RALGAPA1: variants seen among roughly 807,000 people sequenced by gnomAD.
The protein encoded by RALGAPA1 is ral GTPase-activating protein subunit alpha-1.
Under a neutral mutation model 269.6 loss-of-function variants are expected in RALGAPA1, and 52 were observed. The ratio of observed to expected loss-of-function variants is 0.19; its 90% CI spans 0.15 to 0.24. The LOEUF is 0.24. Among genes scored for constraint, RALGAPA1 ranks in the 10% least tolerant of loss-of-function variants. The pLI is 1.00. For synonymous variants in RALGAPA1, 817 were observed against 1,008.3 expected (o/e 0.81, Z 3.60); for missense variants, 1,917 against 3,013.9 (o/e 0.64, Z 8.52).
chr14:35,707,238 G>A (rs2067888528), intron 16 of RALGAPA1: 2 of 152,146 alleles, frequency 1.3e-5, no homozygotes, highest in Admixed American at 1.3e-4. Flanking sequence ...TCAGGAGGTT[G>A]TCACTTTGAA....
chr14:35,674,306 A>C, intron 23 of RALGAPA1, 28 bp from the exon 24 acceptor site: 1 of 1,536,172 alleles, frequency 6.5e-7, no homozygotes, highest in Non-Finnish European at 8.9e-7. Context: ...AAAGCAACAA[A>C]CCTAAGAAAA....
chr14:35,567,288 C>T (rs2056791018), intron 39 of RALGAPA1, among the ~76,000 whole-genome samples: 1 of 152,038 alleles, frequency 6.6e-6, no homozygotes, highest in Non-Finnish European at 1.5e-5. Context: ...GATCAACCTA[C>T]CAATCAACCA....
intron 37 of RALGAPA1, 143 bp downstream of exon 37, chr14:35,595,491 C>T: frequency 4.3e-6 from 3 of 700,796 alleles, no homozygotes; most frequent in African/African-American, 1.8e-5. Context: ...TACAACCACC[C>T]TATTTTCAAG....
intron 10 of RALGAPA1, 121 bp from the exon 11 acceptor site, chr14:35,742,686 A>G (rs1465532699): frequency 6.7e-5 from 48 of 716,122 alleles, no homozygotes; most frequent in Non-Finnish European, 6.4e-5. Context: ...AAGCAAAACA[A>G]TGACATAAAA....
Position 35,549,241 on chromosome 14 carries a change from T to C in RALGAPA1, c.7497-7A>G, listed in dbSNP as rs1182875436. 6.2e-7 allele frequency: 1 copy of C among 1,611,834 alleles called. No individual in the cohort carries two copies. The highest frequency in any genetic ancestry group is 8.5e-7 in the Non-Finnish European group (1 of 1,178,704). On this transcript the variant is annotated splice_region_variant and splice_polypyrimidine_tract_variant and intron_variant, in intron 39 of 41. Transcript: ENST00000680220. ...TCGTGCTCTCTCCTCATAGCTGATTTCCTTTGGTTAAGGATAAACTTAAGT... is the reference window on the plus strand; with the variant it reads ...TCGTGCTCTCTCCTCATAGCTGATTCCCTTTGGTTAAGGATAAACTTAAGT...
Position 35,797,351 on chromosome 14 carries a change from C to CAAAAAAAAAAAAAAAA in RALGAPA1, c.106+11363_106+11378dup, listed in dbSNP as rs530576211. On this transcript the variant is annotated intron_variant, in intron 1 of 41. Coordinates refer to ENST00000680220, the MANE Select transcript of RALGAPA1 (RefSeq NM_001346249.2). Reference sequence around the variant, plus strand: ...CTGGTGACAGAGCGAGACTCCGTCTCAAAAAAAAAAAAAAAAAGATGCCAA... The same window carrying CAAAAAAAAAAAAAAAA: ...CTGGTGACAGAGCGAGACTCCGTCTCAAAAAAAAAAAAAAAAAAAAAAAAAAAAAAAAAGATGCCAA... 9.4e-3 allele frequency among the ~76,000 whole-genome samples: 564 copies of CAAAAAAAAAAAAAAAA among 59,864 alleles called. 47 individuals carry two copies. Among genetic ancestry groups the CAAAAAAAAAAAAAAAA allele is most frequent in the African/African-American group, 0.019 (250 of 12,910 alleles). The allele number at this position is 59,864 out of a possible 152,430, so 39.3% of individuals were successfully genotyped here.
chr14:35,642,022 C>T (rs139832590), intron 31 of RALGAPA1, among the ~76,000 whole-genome samples: 2,101 of 152,218 alleles, frequency 0.014, 53 homozygotes, highest in African/African-American at 0.048. Flanking sequence ...ATATATGGTG[C>T]TGAGATAACT....
At chr14:35,568,982 T>G (rs2056942805) in intron 39 of RALGAPA1, among the ~76,000 whole-genome samples, 1 of 152,234 alleles carries the variant, frequency 6.6e-6, no homozygotes, top group Non-Finnish European at 1.5e-5. Context: ...CTAAAATGAC[T>G]ACTTCAAATA....
rs1235406468 is a variant in RALGAPA1 at position 35,690,042 on chromosome 14, C to A, written c.2408-39G>T. 1.4e-5 allele frequency: 18 copies of A among 1,329,072 alleles called. 1 individual carries two copies. The highest frequency in any genetic ancestry group is 5.3e-5 in the East Asian group (2 of 37,566). The allele number at this position is 1,329,072 out of a possible 1,614,324, so 82.3% of individuals were successfully genotyped here. On this transcript the variant is annotated intron_variant, in intron 17 of 41. Transcript: ENST00000680220. ...AAAAATTATGTAGAGAAGAACTACA[C>A]AAATATAAAAAATAATTATTAATTT...
At chr14:35,805,683 CTTTT>C (rs760045509) in intron 1 of RALGAPA1, among the ~76,000 whole-genome samples, 3 of 135,482 alleles carry the variant, frequency 2.2e-5, no homozygotes, top group Non-Finnish European at 3.2e-5. Context: ...TTTTCTTTTT[CTTTT>C]TTTTTTTTTT....
Position 35,770,961 on chromosome 14 carries a change from T to C in RALGAPA1, c.306A>G (p.Arg102=). Residue 102 remains arginine (R), a synonymous_variant, in exon 4 of 42, where the codon CGA becomes CGG. Transcript: ENST00000680220. ...ACTTACCAATACTATGAAACTGCCATCGCTGATGAATTCTTTCTGGAAGAA... is the reference window on the plus strand; with the variant it reads ...ACTTACCAATACTATGAAACTGCCACCGCTGATGAATTCTTTCTGGAAGAA... ...LQLLPERIHQ[R]WQFHSIGLIL... is the part of the protein sequence containing the mutation. The C allele has an allele frequency of 7.2e-7, 1 of 1,381,346 alleles. No individual in the cohort carries two copies. Among genetic ancestry groups the C allele is most frequent in the Non-Finnish European group, 1.0e-6 (1 of 997,536 alleles). 85.6% of individuals were successfully genotyped at this position (1,381,346 alleles called of 1,614,324 possible).
At chr14:35,564,682 G>C (rs2056553589) in intron 39 of RALGAPA1, among the ~76,000 whole-genome samples, 1 of 152,110 alleles carries the variant, frequency 6.6e-6, no homozygotes, top group Non-Finnish European at 1.5e-5. Context: ...GAGGAATAAA[G>C]TATTCTTTTA....
chr14:35,617,642 G>A (rs1274842534), intron 35 of RALGAPA1, among the ~76,000 whole-genome samples: 2 of 83,912 alleles, frequency 2.4e-5, no homozygotes, highest in African/African-American at 8.2e-5. Flanking sequence ...TGGGGTGGGG[G>A]GGGGGGGGGG....
At chr14:35,671,336 A>C in intron 26 of RALGAPA1, 53 bp downstream of exon 26, 1 of 1,440,090 alleles carries the variant, frequency 6.9e-7, no homozygotes, top group African/African-American at 1.4e-5. Context: ...CAACTTTGTT[A>C]GTTGAATCCT....
At chr14:35,748,897 T>A in intron 9 of RALGAPA1, 73 bp from the exon 10 acceptor site, 2 of 1,453,350 alleles carry the variant, frequency 1.4e-6, no homozygotes, top group Non-Finnish European at 1.8e-6. Flanking sequence ...TGTCTTTTAA[T>A]AGGTAATACT....
At chr14:35,625,734 T>G (rs980074717) in intron 34 of RALGAPA1, among the ~76,000 whole-genome samples, 1 of 152,210 alleles carries the variant, frequency 6.6e-6, no homozygotes, top group Non-Finnish European at 1.5e-5. Context: ...TGTATTTCTT[T>G]TCAAGAGTCT....
intron 16 of RALGAPA1, among the ~76,000 whole-genome samples, chr14:35,711,328 C>T (rs112228836): frequency 0.018 from 2,734 of 152,214 alleles, 42 homozygotes; most frequent in Middle Eastern, 0.058. Context: ...TCCTCTGGTT[C>T]TGAGTATTTT....
chr14:35,610,833 A>G lies in RALGAPA1; in HGVS notation c.6930-5124T>C, dbSNP rs533112033. ...CACAAAAACTGATGTTCCATACACTAGCAATAAACAAGCCAAAAACAAAAA... is the reference window on the plus strand; with the variant it reads ...CACAAAAACTGATGTTCCATACACTGGCAATAAACAAGCCAAAAACAAAAA... On this transcript the variant is annotated intron_variant, in intron 35 of 41. Coordinates refer to ENST00000680220, the MANE Select transcript of RALGAPA1 (RefSeq NM_001346249.2). 3.9e-5 allele frequency among the ~76,000 whole-genome samples: 6 copies of G among 152,342 alleles called. No homozygotes were observed. In the South Asian group the frequency reaches 1.2e-3, roughly 32 times the overall value.
At chr14:35,599,287 G>A (rs546309207) in intron 36 of RALGAPA1, among the ~76,000 whole-genome samples, 6 of 152,250 alleles carry the variant, frequency 3.9e-5, no homozygotes, top group African/African-American at 1.2e-4. Context: ...CTGCCTTCCT[G>A]ATGTTTCAAA....
Sources: allele counts gnomAD v4.1 joint callset (sites outside exome capture counted in the v4.1 genomes callset), GRCh38; gene constraint gnomAD v4.1.1; transcripts MANE v1.5; gene names NCBI Gene and HGNC (gene_info 2026-07-23, HGNC 2026-07-21).